Variants in RGS20 observed in about 807,000 individuals in gnomAD.
RGS20 encodes the protein regulator of G protein signaling 20.
RGS20 carries 30 observed loss-of-function variants against 33.6 expected under a neutral mutation model. The ratio of observed to expected loss-of-function variants is 0.89; its 90% CI spans 0.67 to 1.21. The LOEUF (loss-of-function observed/expected upper bound fraction) is 1.21, where lower values mean the gene tolerates loss of function less well. Among genes scored for constraint, RGS20 ranks in the 50% most tolerant of loss-of-function variants. RGS20 has a pLI of 0.00. For missense variants in RGS20, 472 were observed against 502.4 expected (o/e 0.94, Z 0.58); for synonymous variants, 208 against 197.9 (o/e 1.05, Z -0.43).
chr8:53,920,846 G>A (rs552031314), intron 2 of RGS20, among the ~76,000 whole-genome samples: 97 of 152,122 alleles, frequency 6.4e-4, no homozygotes, highest in Non-Finnish European at 1.2e-3. Context: ...GCAACCTCCA[G>A]TTCCTGGGCT....
At chr8:53,956,763 T>C (rs1814876192) in intron 5 of RGS20, among the ~76,000 whole-genome samples, 2 of 152,222 alleles carry the variant, frequency 1.3e-5, no homozygotes, top group African/African-American at 4.8e-5. Flanking sequence ...CAAGATAATT[T>C]TTGTCCTTTA....
chr8:53,921,822 AT>A, intron 2 of RGS20, among the ~76,000 whole-genome samples: 1 of 151,686 alleles, frequency 6.6e-6, no homozygotes, highest in Admixed American at 6.6e-5. Context: ...TCTCTTTTGT[AT>A]TTTTCTATTT....
rs1563445541 is a variant in RGS20, at chr8:53,958,566, G to C, written c.*108G>C. The C allele has an allele frequency of 2.0e-6, 1 of 507,838 alleles. No homozygotes were observed. The highest frequency in any genetic ancestry group is 2.0e-5 in the African/African-American group (1 of 50,136). The allele number at this position is 507,838 out of a possible 1,614,324, so 31.5% of individuals were successfully genotyped here. ...GCATCTTCTGCTGGAGTAATACTCA[G>C]GCTATTCTAATAACAGATGATTCCT... On this transcript the variant is annotated 3_prime_UTR_variant, in exon 6 of 6. Transcript: ENST00000297313.
At chr8:53,859,875 G>A (rs1269774539) in intron 1 of RGS20, among the ~76,000 whole-genome samples, 3 of 152,170 alleles carry the variant, frequency 2.0e-5, no homozygotes, top group African/African-American at 7.2e-5. Flanking sequence ...CATGAGAACA[G>A]CATGGGAAAA....
intron 2 of RGS20, among the ~76,000 whole-genome samples, chr8:53,924,988 T>G (rs1471061114): frequency 6.6e-6 from 1 of 152,204 alleles, no homozygotes; most frequent in Non-Finnish European, 1.5e-5. Flanking sequence ...TAGCTCCAAC[T>G]CCACATTTAA....
chr8:53,879,576 A>G lies in RGS20; in HGVS notation c.484A>G (p.Thr162Ala). Residue 162 changes from threonine (T) to alanine (A), a missense_variant, in exon 2 of 6, where the codon ACC becomes GCC. Coordinates refer to ENST00000297313, the MANE Select transcript of RGS20 (RefSeq NM_170587.4). ...AGCCAAGCCCAGGGAAGAAGACGCC[A>G]CCGCTGGGCAGAGCTCGCCTATGCC... The G allele has an allele frequency of 6.5e-7, 1 of 1,531,896 alleles. No individual in the cohort carries two copies. The highest frequency in any genetic ancestry group is 8.8e-7 in the Non-Finnish European group (1 of 1,140,168). The allele number at this position is 1,531,896 out of a possible 1,614,324, so 94.9% of individuals were successfully genotyped here. A position where few individuals can be genotyped will look rare whatever the true frequency, so the allele number is the denominator to read the frequency against.
intron 2 of RGS20, among the ~76,000 whole-genome samples, chr8:53,935,867 G>A (rs1171440874): frequency 2.6e-5 from 4 of 152,120 alleles, no homozygotes; most frequent in East Asian, 1.9e-4. Context: ...CTGGCAAACC[G>A]AATCCAGCAG....
chr8:53,879,457 A>G lies in RGS20; in HGVS notation c.365A>G (p.Glu122Gly), dbSNP rs776243146. The stretch of plus-strand genomic sequence containing the variant: ...GCCCGGCTCTCGAGGGGGCACGAGG[A>G]GCTGCCGGGCCGCCTCTCGCTCCTG... Residue 122 changes from glutamate (E) to glycine (G), a missense_variant, in exon 2 of 6, where the codon GAG becomes GGG. Glu to Gly is a moderately conservative substitution (Grantham distance 98). Transcript: ENST00000297313. 110 of 1,593,446 alleles carry G rather than the reference A, an allele frequency of 6.9e-5. No individual in the cohort carries two copies. Among genetic ancestry groups the G allele is most frequent in the Non-Finnish European group, 8.6e-5 (101 of 1,172,212 alleles).
chr8:53,859,714 T>G (rs1811765839), intron 1 of RGS20, among the ~76,000 whole-genome samples: 1 of 152,194 alleles, frequency 6.6e-6, no homozygotes, highest in African/African-American at 2.4e-5. Context: ...TTTAATGGAC[T>G]CACAGTTCCA....
intron 2 of RGS20, among the ~76,000 whole-genome samples, chr8:53,908,629 A>G (rs775671584): frequency 4.2e-5 from 6 of 143,880 alleles, no homozygotes; most frequent in African/African-American, 8.2e-5. Context: ...AACAAGAGTG[A>G]AACTCCATCT....
chr8:53,891,984 C>T (rs1812722239), intron 2 of RGS20, among the ~76,000 whole-genome samples: 1 of 151,826 alleles, frequency 6.6e-6, no homozygotes, highest in Admixed American at 6.6e-5. Flanking sequence ...TGGTGTGCTG[C>T]ACCCATTAAC....
At chr8:53,920,986 C>T (rs543034393) in intron 2 of RGS20, among the ~76,000 whole-genome samples, 1 of 152,304 alleles carries the variant, frequency 6.6e-6, no homozygotes, top group African/African-American at 2.4e-5. Flanking sequence ...TCTTGAACTC[C>T]TGACCTCAGG....
intron 2 of RGS20, among the ~76,000 whole-genome samples, chr8:53,918,736 T>G (rs1287928453): frequency 6.6e-6 from 1 of 152,212 alleles, no homozygotes; most frequent in East Asian, 1.9e-4. Flanking sequence ...CAGGATCCAG[T>G]ACTTCATTCC....
chr8:53,939,647 C>A lies in RGS20; in HGVS notation c.582C>A (p.Ala194=), dbSNP rs772342280. 6.9e-6 allele frequency: 11 copies of A among 1,596,040 alleles called. No individual in the cohort carries two copies. Among genetic ancestry groups the A allele is most frequent in the African/African-American group, 1.3e-5 (1 of 74,806 alleles). The change falls in exon 3 of 6, where the codon GCC becomes GCA. Residue 194 remains alanine, a synonymous_variant. Transcript: ENST00000297313. ...CCGCCCAGGACACACCAGGCGCCGCCCCAGGCCAGCCCGGAGCGGGGAGTC... is the reference window on the plus strand; with the variant it reads ...CCGCCCAGGACACACCAGGCGCCGCACCAGGCCAGCCCGGAGCGGGGAGTC...
At chr8:53,862,131 TC>T (rs1811822821) in intron 1 of RGS20, among the ~76,000 whole-genome samples, 1 of 152,124 alleles carries the variant, frequency 6.6e-6, no homozygotes, top group South Asian at 2.1e-4. Context: ...CTCCCCTCTC[TC>T]TCACCCACCC....
chr8:53,946,483 T>A, intron 3 of RGS20, 182 bp from the exon 3 acceptor site: 1 of 690,904 alleles, frequency 1.4e-6, no homozygotes, highest in East Asian at 2.6e-5. Context: ...TTTATATTTC[T>A]AGTACCTTAT....
At chr8:53,950,235 A>C (rs1814670298) in intron 4 of RGS20, among the ~76,000 whole-genome samples, 2 of 152,202 alleles carry the variant, frequency 1.3e-5, no homozygotes, top group South Asian at 4.1e-4. Context: ...ATTTTAAAAA[A>C]ATTGATGATT....
chr8:53,877,738 G>A lies in RGS20; in HGVS notation c.166-1520G>A, dbSNP rs1812241401. ...GTAATGAGGGGAAGTGAAACAGTGTGAACTTACTCGGAAATGCAAACCGAG... is the reference window on the plus strand; with the variant it reads ...GTAATGAGGGGAAGTGAAACAGTGTAAACTTACTCGGAAATGCAAACCGAG... On this transcript the variant is annotated intron_variant, in intron 1 of 5. Transcript: ENST00000297313. This position sits in a 1 kb window ranked among gnomAD's most constrained non-coding sequence, Gnocchi z 5.7. 6.6e-6 allele frequency among the ~76,000 whole-genome samples: 1 copy of A among 152,220 alleles called. No homozygotes were observed.
intron 5 of RGS20, among the ~76,000 whole-genome samples, chr8:53,956,449 G>A (rs921141218): frequency 7.9e-5 from 12 of 152,136 alleles, no homozygotes; most frequent in Non-Finnish European, 8.8e-5. Context: ...AGTGAATTTG[G>A]AGAAGACCAG....
Sources: allele counts gnomAD v4.1 joint callset (sites outside exome capture counted in the v4.1 genomes callset), GRCh38; gene constraint gnomAD v4.1.1; non-coding constraint Gnocchi (gnomAD v3.1); transcripts MANE v1.5; gene names NCBI Gene and HGNC (gene_info 2026-07-23, HGNC 2026-07-21).